Variants in S100A13 observed in about 807,000 individuals in gnomAD.
S100A13 encodes the protein protein S100-A13.
In S100A13, 6 loss-of-function variants were observed where a neutral mutation model predicts 8.2. The ratio of observed to expected loss-of-function variants is 0.73; its 90% CI spans 0.40 to 1.44. The LOEUF is 1.44. Ranked by LOEUF, S100A13 falls within the 40% of genes most tolerant of loss-of-function variation. The probability of loss-of-function intolerance (pLI) is 0.02; values close to 1 mark genes in which losing one functional copy is unlikely to be tolerated. For synonymous variants in S100A13, 39 were observed against 45.9 expected (o/e 0.85, Z 0.61); for missense variants, 114 against 113.6 (o/e 1.00, Z -0.02).
chr1:153,629,352 G>T (rs41265179), upstream of S100A13: 6,274 of 152,266 alleles, frequency 0.041, 211 homozygotes, highest in Non-Finnish European at 0.062. Flanking sequence ...CTCAGGTCCG[G>T]AGTTCAGATG....
intron 2 of S100A13, among the ~76,000 whole-genome samples, chr1:153,624,721 T>C (rs1667495028): frequency 1.3e-5 from 2 of 152,080 alleles, no homozygotes; most frequent in South Asian, 4.1e-4. Flanking sequence ...GGAGGATCAC[T>C]TGAGGCCTAG....
chr1:153,620,734 G>A (rs1247088579), intron 2 of S100A13, among the ~76,000 whole-genome samples: 2 of 152,148 alleles, frequency 1.3e-5, no homozygotes, highest in Non-Finnish European at 2.9e-5. Flanking sequence ...ACAGGAGGAT[G>A]TGCATAGGTT....
intron 2 of S100A13, among the ~76,000 whole-genome samples, chr1:153,623,795 T>C (rs931270291): frequency 6.6e-6 from 1 of 152,218 alleles, no homozygotes; most frequent in Non-Finnish European, 1.5e-5. Flanking sequence ...TCTGTGGTTA[T>C]AGATTTAAAG....
upstream of S100A13, among the ~76,000 whole-genome samples, chr1:153,633,508 G>C (rs982281860): frequency 3.3e-5 from 5 of 152,338 alleles, no homozygotes; most frequent in African/African-American, 1.2e-4. Context: ...TCTAGGCCAA[G>C]TTGGGGAGGG....
upstream of S100A13, chr1:153,630,181 C>T (rs1374031424): frequency 4.7e-6 from 2 of 428,816 alleles, no homozygotes; most frequent in African/African-American, 4.0e-5. Context: ...CTGCCCCACC[C>T]TCCTCAATCC....
chr1:153,627,474 G>A lies in S100A13; in HGVS notation c.-62+9C>T, dbSNP rs1667735579. ...CCAGCCTCCCTCCAGGGTCAGCCAT[G>A]AGACTCACCCGGCAAGGAGATGGGG... is the stretch of plus-strand genomic sequence containing the variant. On this transcript the variant is annotated intron_variant, in intron 1 of 2. Coordinates refer to ENST00000476133, the MANE Select transcript of S100A13 (RefSeq NM_001024211.2). 1 of 152,540 alleles carries A rather than the reference G, an allele frequency of 6.6e-6. No individual in the cohort carries two copies. The highest frequency in any genetic ancestry group is 2.1e-4 in the South Asian group (1 of 4,848). The allele number at this position is 152,540 out of a possible 1,614,324, so 9.4% of individuals were successfully genotyped here. A position where few individuals can be genotyped will look rare whatever the true frequency, so the allele number is the denominator to read the frequency against.
Position 153,626,477 on chromosome 1 carries a change from A to G in S100A13, c.-5T>C. The stretch of plus-strand genomic sequence containing the variant: ...TGTCAGTGGTTCTGCTGCCATTAGG[A>G]CCCTGAGGCCAAAGCTGATGTCCTC... On this transcript the variant is annotated 5_prime_UTR_variant, in exon 2 of 3. Transcript: ENST00000476133. 1 of 1,613,900 alleles carries G rather than the reference A, an allele frequency of 6.2e-7. No homozygotes were observed. The highest frequency in any genetic ancestry group is 8.5e-7 in the Non-Finnish European group (1 of 1,179,890).
chr1:153,621,892 T>C (rs968233257), intron 2 of S100A13, among the ~76,000 whole-genome samples: 1 of 151,106 alleles, frequency 6.6e-6, no homozygotes, highest in Non-Finnish European at 1.5e-5. Flanking sequence ...AAAATTGAAG[T>C]TCCATTTCAC....
upstream of S100A13, chr1:153,631,948 GCCCACCCCACC>G: frequency 1.7e-6 from 2 of 1,199,004 alleles, no homozygotes; most frequent in Non-Finnish European, 2.2e-6. Flanking sequence ...CCCCACCCTT[GCCCACCCCACC>G]CCCACCCCCA....
At chr1:153,631,632 C>T, upstream of S100A13, 4 of 1,613,658 alleles carry the variant, frequency 2.5e-6, no homozygotes, top group African/African-American at 1.3e-5. Flanking sequence ...TCAACCACCC[C>T]CTTGCCTCTG....
upstream of S100A13, chr1:153,630,493 T>C (rs1283782005): frequency 3.7e-6 from 6 of 1,612,470 alleles, no homozygotes; most frequent in Non-Finnish European, 5.1e-6. Flanking sequence ...CTCACTTCCA[T>C]GATGGGGGTG....
Position 153,618,992 on chromosome 1 carries a change from T to C in S100A13, c.200A>G (p.Gln67Arg). Residue 67 changes from glutamine to arginine, a missense_variant, in exon 3 of 3, where the codon CAG (glutamine) becomes CGG (arginine). Coordinates refer to ENST00000476133, the MANE Select transcript of S100A13 (RefSeq NM_001024211.2). Reference sequence around the variant, plus strand: ...CTCATTGAACTTGAGCTCCGAGTCCTGATTCACATCCAAGCTCTTCATCTT... The same window carrying C: ...CTCATTGAACTTGAGCTCCGAGTCCCGATTCACATCCAAGCTCTTCATCTT... Reference protein sequence around the residue: ...DEKMKSLDVNQDSELKFNEYW... With the variant: ...DEKMKSLDVNRDSELKFNEYW... The C allele has an allele frequency of 6.2e-7, 1 of 1,613,934 alleles. No homozygotes were observed. Among genetic ancestry groups the C allele is most frequent in the Non-Finnish European group, 8.5e-7 (1 of 1,179,838 alleles).
upstream of S100A13, chr1:153,631,957 ACC>A: frequency 1.0e-6 from 1 of 1,000,574 alleles, no homozygotes; most frequent in Non-Finnish European, 1.3e-6. Context: ...TGCCCACCCC[ACC>A]CCCACCCCCA....
intron 2 of S100A13, among the ~76,000 whole-genome samples, chr1:153,624,845 C>G (rs1175743029): frequency 2.0e-5 from 3 of 152,122 alleles, no homozygotes; most frequent in Non-Finnish European, 4.4e-5. Context: ...GAGGCCGAGG[C>G]AGGTGGATCA....
upstream of S100A13, chr1:153,631,460 T>C (rs1382421772): frequency 7.0e-6 from 11 of 1,578,010 alleles, no homozygotes; most frequent in Non-Finnish European, 9.5e-6. Flanking sequence ...GCTTGCTTTA[T>C]TATAGGCACT....
intron 2 of S100A13, among the ~76,000 whole-genome samples, chr1:153,625,797 A>G (rs1310993724): frequency 1.3e-5 from 2 of 152,210 alleles, no homozygotes; most frequent in African/African-American, 2.4e-5. Context: ...CCATACTCCC[A>G]CTGGCACATA....
At chr1:153,623,089 CAA>C (rs748535404) in intron 2 of S100A13, among the ~76,000 whole-genome samples, 4 of 118,298 alleles carry the variant, frequency 3.4e-5, no homozygotes, top group Admixed American at 8.7e-5. Flanking sequence ...GACTCTGTCT[CAA>C]AAAAAAAAAA....
upstream of S100A13, chr1:153,630,615 A>G (rs200954821): frequency 1.7e-5 from 28 of 1,614,246 alleles, 1 homozygote; most frequent in South Asian, 1.8e-4. Context: ...GCTGAGCAAG[A>G]AGGAGCTGAA....
chr1:153,631,212 C>A, upstream of S100A13: 1 of 490,536 alleles, frequency 2.0e-6, no homozygotes, highest in Non-Finnish European at 3.6e-6. Flanking sequence ...CTAAGGCTAA[C>A]CAGGGCCCCA....
Sources: gnomAD v4.1 joint callset for allele counts (sites outside exome capture counted in the v4.1 genomes callset) on GRCh38, gnomAD v4.1.1 for gene constraint, MANE v1.5 for transcripts, NCBI Gene and HGNC (gene_info 2026-07-23, HGNC 2026-07-21) for gene names.